Variants in TENM2 observed in about 807,000 individuals in gnomAD.
TENM2 encodes teneurin-2.
TENM2 carries 52 observed loss-of-function variants against 245.2 expected under a neutral mutation model. The ratio of observed to expected loss-of-function variants is 0.21; its 90% confidence interval spans 0.17 to 0.27. TENM2 has a LOEUF of 0.27. Ranked by LOEUF, TENM2 falls within the 10% of genes least tolerant of loss-of-function variation. The pLI, the probability that TENM2 is intolerant of heterozygous loss-of-function variation, is 1.00. For missense variants in TENM2, 3,046 were observed against 3,666.8 expected, an observed-to-expected ratio of 0.83 and a Z score of 4.37; for synonymous variants, 1,363 against 1,438.9, an observed-to-expected ratio of 0.95 and a Z score of 1.19.
intron 2 of TENM2, among the ~76,000 whole-genome samples, chr5:167,503,582 C>G (rs2127559828): frequency 6.6e-6 from 1 of 151,388 alleles, no homozygotes; most frequent in South Asian, 2.1e-4. Flanking sequence ...ATCTGAGGCA[C>G]CAGAATCTCA....
exon 27 of TENM2, chr5:168,246,924 G>C: frequency 6.2e-7 from 1 of 1,613,934 alleles, no homozygotes; most frequent in Middle Eastern, 1.6e-4. Context: ...GCAATGCTTC[G>C]GTCATCTTTG....
chr5:167,381,242 A>G (rs1365539749), intron 2 of TENM2, among the ~76,000 whole-genome samples: 1 of 152,192 alleles, frequency 6.6e-6, no homozygotes, highest in African/African-American at 2.4e-5. Flanking sequence ...AGGCTTATAC[A>G]TGAAACTAAA....
chr5:167,754,988 C>T (rs879013644), intron 2 of TENM2: 1 of 1,563,224 alleles, frequency 6.4e-7, no homozygotes, highest in Non-Finnish European at 8.6e-7. Context: ...ACTGGGACTG[C>T]TGGTGATTTT....
chr5:167,511,848 TTG>T (rs1343884048), intron 2 of TENM2, among the ~76,000 whole-genome samples: 1 of 152,240 alleles, frequency 6.6e-6, no homozygotes, highest in East Asian at 1.9e-4. Flanking sequence ...ATTCCTCATT[TTG>T]TGTCACTAAA....
At chr5:167,502,133 G>C (rs1562007226) in intron 2 of TENM2, among the ~76,000 whole-genome samples, 1 of 152,116 alleles carries the variant, frequency 6.6e-6, no homozygotes. Flanking sequence ...AATATCGCCA[G>C]CATACATATA....
chr5:168,247,589 A>G lies in TENM2; in HGVS notation c.6650A>G (p.Asn2217Ser), dbSNP rs1766703237. ...GGGCAGCTCCAGAGCGTGGCCGTCA[A>G]TGACCGCCCGACCTGGCGCTACAGC... The change falls in exon 27 of 29, where the codon AAT (asparagine) becomes AGT (serine). Residue 2217 changes from asparagine to serine, a missense_variant. This residue lies in a region of TENM2 where 2,704 missense variants were observed against 3,331.9 expected (regional missense o/e 0.81). Transcript: ENST00000518659. This position sits in a 1 kb window ranked among gnomAD's most constrained non-coding sequence, Gnocchi z 7.8. The G allele has an allele frequency of 8.7e-6, 14 of 1,612,982 alleles. No homozygotes were observed. The highest frequency in any genetic ancestry group is 1.3e-5 in the African/African-American group (1 of 74,922).
At chr5:167,236,872 C>T in the TENM2 span, among the ~76,000 whole-genome samples, 1 of 148,892 alleles carries the variant, frequency 6.7e-6, no homozygotes, top group Non-Finnish European at 1.5e-5. Flanking sequence ...CCTGTCTCTA[C>T]TTCTATACCT....
intron 1 of TENM2, among the ~76,000 whole-genome samples, chr5:167,310,943 CTTATT>C (rs572394394): frequency 3.7e-4 from 56 of 152,272 alleles, no homozygotes; most frequent in African/African-American, 1.3e-3. Flanking sequence ...CCAGTTTATT[CTTATT>C]TTATTAAGCA....
chr5:168,200,060 T>C, exon 17 of TENM2: 1 of 1,613,950 alleles, frequency 6.2e-7, no homozygotes, highest in Non-Finnish European at 8.5e-7. Flanking sequence ...TCTCCCAACC[T>C]GGCCTACACC....
intron 2 of TENM2, among the ~76,000 whole-genome samples, chr5:167,729,633 GAAAATGGT>G (rs1760277047): frequency 6.6e-6 from 1 of 152,156 alleles, no homozygotes; most frequent in East Asian, 1.9e-4. Context: ...TTGCAGTTTG[GAAAATGGT>G]CCTGATAAAG....
intron 2 of TENM2, among the ~76,000 whole-genome samples, chr5:167,840,297 C>A (rs559004417): frequency 2.0e-5 from 3 of 152,270 alleles, no homozygotes; most frequent in African/African-American, 7.2e-5. Context: ...TAATGCTAAG[C>A]AAACAAATGG....
chr5:167,011,457 A>G, the TENM2 span, among the ~76,000 whole-genome samples: 1 of 152,232 alleles, frequency 6.6e-6, no homozygotes, highest in South Asian at 2.1e-4. Flanking sequence ...TTCAGAATTT[A>G]TGGATAGGCA....
intron 12 of TENM2, among the ~76,000 whole-genome samples, chr5:168,135,084 ACT>A (rs1293371036): frequency 6.6e-6 from 1 of 152,086 alleles, no homozygotes; most frequent in Non-Finnish European, 1.5e-5. Context: ...CCCAAATTTG[ACT>A]CAATCAAGTA....
chr5:167,337,458 T>C (rs1159960223), intron 1 of TENM2, among the ~76,000 whole-genome samples: 1 of 152,026 alleles, frequency 6.6e-6, no homozygotes, highest in Non-Finnish European at 1.5e-5. Context: ...AAAATTCAAA[T>C]ACAAGGAAGA....
chr5:167,902,151 T>G lies in TENM2; in HGVS notation c.712+25956T>G, dbSNP rs530921235. 2.4e-3 allele frequency among the ~76,000 whole-genome samples: 358 copies of G among 152,178 alleles called. 1 individual carries two copies. The highest frequency in any genetic ancestry group is 8.3e-3 in the African/African-American group (346 of 41,506). On this transcript the variant is annotated intron_variant, in intron 3 of 28. Coordinates refer to ENST00000518659, the Ensembl canonical transcript of TENM2. ...TTTTTAGGAGCAGGTTCTGGGTGTT[T>G]GTGCATGAGAGTGGAGTGGGGAGTG...
intron 4 of TENM2, among the ~76,000 whole-genome samples, chr5:167,961,925 C>T (rs1781041464): frequency 6.6e-6 from 1 of 152,220 alleles, no homozygotes; most frequent in Non-Finnish European, 1.5e-5. Flanking sequence ...AGAGTGTCTG[C>T]TCTTGGCAAT....
chr5:167,992,451 T>C (rs1475978674), intron 4 of TENM2, among the ~76,000 whole-genome samples: 1 of 152,242 alleles, frequency 6.6e-6, no homozygotes, highest in East Asian at 1.9e-4. Flanking sequence ...CATCTCATTA[T>C]TTTCATGGTT....
chr5:167,128,563 A>AG, the TENM2 span, among the ~76,000 whole-genome samples: 40 of 151,982 alleles, frequency 2.6e-4, no homozygotes, highest in Non-Finnish European at 5.6e-4. Flanking sequence ...TAAAAAAAAA[A>AG]AAAAGCCCCT....
intron 2 of TENM2, among the ~76,000 whole-genome samples, chr5:167,708,616 G>T (rs10038056): frequency 0.069 from 10,467 of 152,122 alleles, 722 homozygotes; most frequent in East Asian, 0.25. Context: ...AGAGGACTTG[G>T]GTAGAGGACC....
Sources: allele counts gnomAD v4.1 joint callset (sites outside exome capture counted in the v4.1 genomes callset), GRCh38; gene constraint gnomAD v4.1.1; regional missense constraint gnomAD v4.1.1; non-coding constraint Gnocchi (gnomAD v3.1); transcripts MANE v1.5; gene names NCBI Gene and HGNC (gene_info 2026-07-23, HGNC 2026-07-21).